Variants in RSF1 observed in about 807,000 individuals in gnomAD.
The protein encoded by RSF1 is HBV pX-associated protein 8.
A neutral mutation model predicts 145.2 loss-of-function variants in RSF1; 13 were observed. That is an observed-to-expected ratio of 0.09 (90% CI 0.06 to 0.14). The LOEUF is 0.14. Among genes scored for constraint, RSF1 ranks in the 10% least tolerant of loss-of-function variants. RSF1 has a pLI of 1.00. For missense variants in RSF1, 1,517 were observed against 1,718.2 expected, an observed-to-expected ratio of 0.88 and a Z score of 2.07; for synonymous variants, 577 against 592.6, an observed-to-expected ratio of 0.97 and a Z score of 0.38.
At chr11:77,828,139 G>C in the RSF1 span, among the ~76,000 whole-genome samples, 1 of 152,044 alleles carries the variant, frequency 6.6e-6, no homozygotes, top group African/African-American at 2.4e-5. Flanking sequence ...GCTGGGCATG[G>C]TGATGCGCAC....
At chr11:77,790,139 T>C (rs1293831435) in intron 1 of RSF1, among the ~76,000 whole-genome samples, 10 of 152,198 alleles carry the variant, frequency 6.6e-5, no homozygotes, top group African/African-American at 1.7e-4. Context: ...AAGACATACC[T>C]GAGACTGGAC....
At chr11:77,821,662 G>A (rs66622455), upstream of RSF1, among the ~76,000 whole-genome samples, 1 of 151,674 alleles carries the variant, frequency 6.6e-6, no homozygotes, top group Non-Finnish European at 1.5e-5. Context: ...ATTGAGAGGC[G>A]GAACATGACA....
chr11:77,833,009 ATTT>A, the RSF1 span, among the ~76,000 whole-genome samples: 9 of 60,032 alleles, frequency 1.5e-4, no homozygotes, highest in Non-Finnish European at 2.1e-4. Context: ...ATATATATAT[ATTT>A]TTTTTTTTTT....
At chr11:77,764,575 G>C in intron 2 of RSF1, 23 bp downstream of exon 2, 1 of 1,321,230 alleles carries the variant, frequency 7.6e-7, no homozygotes, top group South Asian at 1.2e-5. Flanking sequence ...TAATAGAGCA[G>C]GAAATTTACA....
chr11:77,773,272 C>T (rs565718399), intron 1 of RSF1, among the ~76,000 whole-genome samples: 9 of 151,986 alleles, frequency 5.9e-5, no homozygotes, highest in African/African-American at 2.2e-4. Context: ...GTGAAATTTG[C>T]CATTTTAATC....
chr11:77,715,609 A>G (rs1309517780), intron 5 of RSF1, among the ~76,000 whole-genome samples: 1 of 152,032 alleles, frequency 6.6e-6, no homozygotes, highest in East Asian at 1.9e-4. Context: ...CATCACACCC[A>G]GCTAATTTTT....
intron 9 of RSF1, among the ~76,000 whole-genome samples, chr11:77,688,869 G>A (rs992968477): frequency 7.2e-5 from 11 of 152,282 alleles, no homozygotes; most frequent in Non-Finnish European, 1.0e-4. Context: ...CATCCATTAC[G>A]AGCCAGAGTG....
At chr11:77,799,380 TGCCTATA>T (rs752595283) in intron 1 of RSF1, among the ~76,000 whole-genome samples, 180 of 151,648 alleles carry the variant, frequency 1.2e-3, no homozygotes, top group Non-Finnish European at 2.2e-3. Context: ...TGGTGGCATG[TGCCTATA>T]GCCCCAGCTA....
In RSF1 at chr11:77,678,075, C is replaced by T. The variant is rs757628722; in HGVS notation, c.3133+11G>A. The T allele has an allele frequency of 6.2e-7, 1 of 1,607,424 alleles. No individual in the cohort carries two copies. The highest frequency in any genetic ancestry group is 1.7e-5 in the Admixed American group (1 of 59,890). Reference sequence around the variant, plus strand: ...GAGTTCTATGAAGAAGAGAGAACGACAAACACATACCTCCTCCATCGGCTT... The same window carrying T: ...GAGTTCTATGAAGAAGAGAGAACGATAAACACATACCTCCTCCATCGGCTT... On this transcript the variant is annotated intron_variant, in intron 12 of 15. Transcript: ENST00000308488.
intron 1 of RSF1, among the ~76,000 whole-genome samples, chr11:77,766,585 G>A (rs536061488): frequency 6.6e-6 from 1 of 152,186 alleles, no homozygotes; most frequent in East Asian, 1.9e-4. Context: ...GGGGGTTAAG[G>A]GTGGAATGGA....
intron 11 of RSF1, among the ~76,000 whole-genome samples, chr11:77,683,313 C>G (rs1227096715): frequency 6.6e-6 from 1 of 151,922 alleles, no homozygotes; most frequent in Non-Finnish European, 1.5e-5. Context: ...CAAAACAATC[C>G]TTAACCCAAG....
chr11:77,704,753 G>GTGTTT (rs1311830268), intron 5 of RSF1, among the ~76,000 whole-genome samples: 22 of 134,544 alleles, frequency 1.6e-4, no homozygotes, highest in Non-Finnish European at 2.8e-4. Context: ...GTTTGCCTTG[G>GTGTTT]TTTTTTTTTT....
intron 5 of RSF1, among the ~76,000 whole-genome samples, chr11:77,709,899 G>A (rs1960638403): frequency 6.6e-6 from 1 of 152,092 alleles, no homozygotes; most frequent in South Asian, 2.1e-4. Flanking sequence ...TTACAGGCAT[G>A]AGCCACTGCA....
At chr11:77,670,229 CA>C (rs1325696018) in intron 15 of RSF1, among the ~76,000 whole-genome samples, 3 of 152,240 alleles carry the variant, frequency 2.0e-5, no homozygotes, top group Non-Finnish European at 2.9e-5. Context: ...TGCCTTCACT[CA>C]TTCTGCTCCA....
At chr11:77,675,993 A>T (rs1239943552) in intron 13 of RSF1, among the ~76,000 whole-genome samples, 5 of 152,144 alleles carry the variant, frequency 3.3e-5, no homozygotes, top group Non-Finnish European at 1.5e-5. Context: ...CCAGTAGGGC[A>T]CTCTCTACTT....
chr11:77,672,709 GTC>G (rs1226257486), intron 14 of RSF1, among the ~76,000 whole-genome samples: 1 of 151,978 alleles, frequency 6.6e-6, no homozygotes, highest in Non-Finnish European at 1.5e-5. Flanking sequence ...TTGAGACAGA[GTC>G]TCACTATGTC....
At chr11:77,718,099 G>A (rs1348853357) in intron 5 of RSF1, 1 of 152,188 alleles carries the variant, frequency 6.6e-6, no homozygotes, top group Non-Finnish European at 1.5e-5. Flanking sequence ...CTGAGGTCGG[G>A]AGTGCAAGAC....
At chr11:77,840,609 A>G in the RSF1 span, among the ~76,000 whole-genome samples, 5 of 152,170 alleles carry the variant, frequency 3.3e-5, no homozygotes, top group African/African-American at 7.2e-5. Context: ...GGGTATCCCT[A>G]TGTTACCCAG....
chr11:77,846,461 C>T, the RSF1 span, among the ~76,000 whole-genome samples: 874 of 152,292 alleles, frequency 5.7e-3, 3 homozygotes, highest in Non-Finnish European at 8.3e-3. Context: ...GTCTCCTCAA[C>T]TTTGGGAGGC....
Sources: gnomAD v4.1 joint callset for allele counts (sites outside exome capture counted in the v4.1 genomes callset) on GRCh38, gnomAD v4.1.1 for gene constraint, MANE v1.5 for transcripts, NCBI Gene and HGNC (gene_info 2026-07-23, HGNC 2026-07-21) for gene names.